TTC17: variants seen among roughly 807,000 people sequenced by gnomAD.
The protein encoded by TTC17 is tetratricopeptide repeat protein 17.
TTC17 carries 58 observed loss-of-function variants against 143.8 expected under a neutral mutation model. That is an observed-to-expected ratio of 0.40 (90% CI 0.33 to 0.50). The LOEUF (loss-of-function observed/expected upper bound fraction) is 0.50, where lower values mean the gene tolerates loss of function less well. TTC17 is among the 20% of genes least tolerant of loss of function. The probability of loss-of-function intolerance (pLI) is 0.49; values close to 1 mark genes in which losing one functional copy is unlikely to be tolerated. For missense variants in TTC17, 1,273 were observed against 1,392.5 expected (o/e 0.91, Z 1.37); for synonymous variants, 501 against 497.8 (o/e 1.01, Z -0.09).
Position 43,472,588 on chromosome 11 carries a change from C to A in TTC17, c.3031-17651C>A, listed in dbSNP as rs530269460. Reference sequence around the variant, plus strand: ...TGCAGTCTTAGTGGAATTTTACATACCTCTCAATAGGTGATAGAATTAAGC... The same window carrying A: ...TGCAGTCTTAGTGGAATTTTACATAACTCTCAATAGGTGATAGAATTAAGC... On this transcript the variant is annotated intron_variant, in intron 21 of 23. Transcript: ENST00000039989. Among the ~76,000 whole-genome samples the A allele has an allele frequency of 1.7e-4, 26 of 152,064 alleles. No individual in the cohort carries two copies. In the East Asian group the frequency reaches 4.6e-3, roughly 27 times the overall value.
At chr11:43,370,091 G>A (rs1856503913) in intron 1 of TTC17, 1 of 455,366 alleles carries the variant, frequency 2.2e-6, no homozygotes, top group Non-Finnish European at 4.4e-6. Flanking sequence ...ATAGCCAGGA[G>A]CCCATGCGTA....
intron 15 of TTC17, among the ~76,000 whole-genome samples, chr11:43,410,359 T>G (rs771679656): frequency 2.0e-5 from 3 of 152,220 alleles, no homozygotes; most frequent in Non-Finnish European, 4.4e-5. Context: ...TTGATTTCTA[T>G]TGTTAGATTT....
At chr11:43,486,128 T>G (rs1948376331) in intron 21 of TTC17, among the ~76,000 whole-genome samples, 1 of 150,902 alleles carries the variant, frequency 6.6e-6, no homozygotes, top group South Asian at 2.1e-4. Context: ...AGCCCCAAGT[T>G]TGTCAAGTCT....
intron 16 of TTC17, among the ~76,000 whole-genome samples, chr11:43,439,561 G>A (rs1947369527): frequency 6.7e-6 from 1 of 149,902 alleles, no homozygotes; most frequent in Non-Finnish European, 1.5e-5. Flanking sequence ...TCTGCCTCCT[G>A]GGTTCATGCC....
rs1019187370 is a variant in TTC17, at chr11:43,493,989, T to C, written c.*85T>C. The C allele has an allele frequency of 6.8e-7, 1 of 1,463,220 alleles. No individual in the cohort carries two copies. Among genetic ancestry groups the C allele is most frequent in the African/African-American group, 1.4e-5 (1 of 70,542 alleles). 90.6% of individuals were successfully genotyped at this position (1,463,220 alleles called of 1,614,324 possible). A position where few individuals can be genotyped will look rare whatever the true frequency, so the allele number is the denominator to read the frequency against. ...GAAACCAATCATTGTCAGTATCTACTATTAATGATGTGTGTGAAAATAACT... is the reference window on the plus strand; with the variant it reads ...GAAACCAATCATTGTCAGTATCTACCATTAATGATGTGTGTGAAAATAACT... On this transcript the variant is annotated 3_prime_UTR_variant, in exon 24 of 24. Transcript: ENST00000039989.
chr11:43,480,640 A>G (rs1948268544), intron 21 of TTC17, among the ~76,000 whole-genome samples: 2 of 152,210 alleles, frequency 1.3e-5, no homozygotes, highest in Admixed American at 6.5e-5. Context: ...TGGGATTTTA[A>G]AAGAAATGAC....
rs573837358 is a variant in TTC17 at position 43,421,177 on chromosome 11, C to G, written c.2251+6401C>G. On this transcript the variant is annotated intron_variant, in intron 16 of 23. Coordinates refer to ENST00000039989, the MANE Select transcript of TTC17 (RefSeq NM_018259.6). ...AGGGGTTGGGGTCATTAAGGGAGGC[C>G]CCACTGAGAAAGTGACATTTGAACA... is the stretch of plus-strand genomic sequence containing the variant. 1.1e-4 allele frequency among the ~76,000 whole-genome samples: 16 copies of G among 151,800 alleles called. No homozygotes were observed. In the South Asian group the frequency reaches 1.9e-3, roughly 18 times the overall value.
intron 16 of TTC17, among the ~76,000 whole-genome samples, chr11:43,420,660 A>G (rs764661369): frequency 6.6e-6 from 1 of 152,186 alleles, no homozygotes; most frequent in African/African-American, 2.4e-5. Flanking sequence ...TTTGGTTTTT[A>G]TAAGAACTTA....
intron 10 of TTC17, 80 bp from the exon 11 acceptor site, chr11:43,403,918 C>CT (rs1857989573): frequency 7.8e-7 from 1 of 1,277,822 alleles, no homozygotes; most frequent in Non-Finnish European, 1.1e-6. Flanking sequence ...TATTCACTCG[C>CT]TTTTTTGGTG....
intron 1 of TTC17, among the ~76,000 whole-genome samples, chr11:43,377,505 A>G (rs973891189): frequency 3.9e-5 from 6 of 152,232 alleles, no homozygotes; most frequent in African/African-American, 1.4e-4. Context: ...ACTTGAAAGT[A>G]CCTCAGAAAA....
At chr11:43,390,755 T>C (rs1000470352) in intron 3 of TTC17, among the ~76,000 whole-genome samples, 2 of 149,158 alleles carry the variant, frequency 1.3e-5, no homozygotes, top group Non-Finnish European at 3.0e-5. Flanking sequence ...TGGAAAAAAA[T>C]TTCTCAGAAA....
intron 13 of TTC17, among the ~76,000 whole-genome samples, chr11:43,406,428 G>C (rs905929498): frequency 1.3e-5 from 2 of 151,892 alleles, no homozygotes; most frequent in Non-Finnish European, 2.9e-5. Flanking sequence ...GTTCAATTAT[G>C]CTCTTTTCCT....
At chr11:43,405,045 G>C (rs1858048777) in intron 11 of TTC17, among the ~76,000 whole-genome samples, 1 of 151,016 alleles carries the variant, frequency 6.6e-6, no homozygotes, top group African/African-American at 2.4e-5. Context: ...TTCAGGTTTG[G>C]TTGATTCAGT....
chr11:43,390,747 G>A (rs969399265), intron 3 of TTC17, among the ~76,000 whole-genome samples: 11 of 151,318 alleles, frequency 7.3e-5, no homozygotes, highest in African/African-American at 2.7e-4. Context: ...AATAAACATG[G>A]AAAAAAATTT....
Position 43,405,637 on chromosome 11 carries a change from G to A in TTC17, c.1595+8G>A. The A allele has an allele frequency of 6.2e-7, 1 of 1,613,738 alleles. No homozygotes were observed. Among genetic ancestry groups the A allele is most frequent in the Non-Finnish European group, 8.5e-7 (1 of 1,179,692 alleles). ...GGAAAACAAAGGACTCAGGCAAGTG[G>A]TGATGGATTTGGCAAAGCACCTGAT... On this transcript the variant is annotated splice_region_variant and intron_variant, in intron 12 of 23. Coordinates refer to ENST00000039989, the MANE Select transcript of TTC17 (RefSeq NM_018259.6).
At chr11:43,470,826 G>T (rs1198232534) in intron 21 of TTC17, among the ~76,000 whole-genome samples, 1 of 152,160 alleles carries the variant, frequency 6.6e-6, no homozygotes, top group Admixed American at 6.5e-5. Context: ...GTGATACTGG[G>T]TGATACTGCT....
At chr11:43,364,909 G>A (rs796252811) in intron 1 of TTC17, among the ~76,000 whole-genome samples, 29 of 152,126 alleles carry the variant, frequency 1.9e-4, no homozygotes, top group African/African-American at 6.7e-4. Flanking sequence ...GGATTCAAGC[G>A]GTTTTCCTGC....
At chr11:43,372,851 C>A (rs1236360576) in intron 1 of TTC17, among the ~76,000 whole-genome samples, 27 of 151,968 alleles carry the variant, frequency 1.8e-4, no homozygotes, top group Admixed American at 1.8e-3. Flanking sequence ...AACCAAAAAC[C>A]TGAATTTTAG....
At chr11:43,402,685 G>A (rs920496689) in intron 10 of TTC17, among the ~76,000 whole-genome samples, 4 of 152,086 alleles carry the variant, frequency 2.6e-5, no homozygotes, top group African/African-American at 7.2e-5. Context: ...TGCTTAACAG[G>A]TAAGTGTAAT....
Sources: allele counts gnomAD v4.1 joint callset (sites outside exome capture counted in the v4.1 genomes callset), GRCh38; gene constraint gnomAD v4.1.1; transcripts MANE v1.5; gene names NCBI Gene and HGNC (gene_info 2026-07-23, HGNC 2026-07-21).